NACC2: variants seen among roughly 807,000 people sequenced by gnomAD.
NACC2 encodes the protein nucleus accumbens-associated protein 2.
In NACC2, 8 loss-of-function variants were observed where a neutral mutation model predicts 25.1. That is an observed-to-expected ratio of 0.32 (90% CI 0.19 to 0.57). NACC2 has a LOEUF of 0.57. Among genes scored for constraint, NACC2 ranks in the 20% least tolerant of loss-of-function variants. The pLI, the probability that NACC2 is intolerant of heterozygous loss-of-function variation, is 0.89. For missense variants in NACC2, 644 were observed against 650.2 expected, an observed-to-expected ratio of 0.99 and a Z score of 0.10; for synonymous variants, 435 against 294.7, an observed-to-expected ratio of 1.48 and a Z score of -4.88.
intron 1 of NACC2, among the ~76,000 whole-genome samples, chr9:136,091,571 A>T (rs889731731): frequency 1.3e-5 from 2 of 152,216 alleles, no homozygotes; most frequent in Admixed American, 1.3e-4. Flanking sequence ...ATGTCCCCAA[A>T]TGACAAGCAA....
chr9:136,080,670 G>A (rs528303782), intron 1 of NACC2, among the ~76,000 whole-genome samples: 5 of 152,288 alleles, frequency 3.3e-5, no homozygotes, highest in East Asian at 3.9e-4. Context: ...GACACTCCAC[G>A]GAGCTCTTGC....
chr9:136,021,655 C>T (rs184180533), intron 2 of NACC2, among the ~76,000 whole-genome samples: 4 of 152,264 alleles, frequency 2.6e-5, no homozygotes, highest in African/African-American at 9.6e-5. Flanking sequence ...TGCACAGGAA[C>T]GCTTATCCCG....
chr9:136,088,792 C>T (rs1051669392), intron 1 of NACC2, among the ~76,000 whole-genome samples: 1 of 152,110 alleles, frequency 6.6e-6, no homozygotes, highest in Admixed American at 6.5e-5. Flanking sequence ...GCGTGGAGGG[C>T]GGGATGGGCA....
At chr9:136,072,713 T>C (rs1435094928) in intron 1 of NACC2, among the ~76,000 whole-genome samples, 2 of 151,422 alleles carry the variant, frequency 1.3e-5, no homozygotes, top group African/African-American at 4.9e-5. Flanking sequence ...ATTAGCTGAA[T>C]GTGGTACATG....
At chr9:136,066,225 C>G (rs912964696) in intron 1 of NACC2, among the ~76,000 whole-genome samples, 2 of 149,526 alleles carry the variant, frequency 1.3e-5, no homozygotes, top group South Asian at 2.1e-4. Context: ...AAAAAGAAAC[C>G]AAAGAATAGA....
At chr9:136,091,650 G>C (rs1042856058) in intron 1 of NACC2, among the ~76,000 whole-genome samples, 1 of 152,186 alleles carries the variant, frequency 6.6e-6, no homozygotes, top group Non-Finnish European at 1.5e-5. Context: ...ACAAGGGTGT[G>C]TGCTTCCAAA....
intron 1 of NACC2, among the ~76,000 whole-genome samples, chr9:136,051,763 C>G (rs1588572521): frequency 6.6e-6 from 1 of 152,190 alleles, no homozygotes; most frequent in Non-Finnish European, 1.5e-5. Context: ...GCCGGCACTG[C>G]CCGCTCCGCC....
intron 1 of NACC2, among the ~76,000 whole-genome samples, chr9:136,068,356 G>GAGCGTGGA (rs1841112105): frequency 1.5e-4 from 23 of 149,080 alleles, no homozygotes; most frequent in African/African-American, 5.9e-4. Context: ...AAAATTAGTT[G>GAGCGTGGA]GGCATAGTGG....
intron 1 of NACC2, among the ~76,000 whole-genome samples, chr9:136,071,875 T>G (rs1168207829): frequency 6.6e-6 from 1 of 152,036 alleles, no homozygotes; most frequent in Non-Finnish European, 1.5e-5. Context: ...TTGAAGCCAA[T>G]GGAGCTGGGG....
At chr9:136,027,479 G>C (rs1384389184) in intron 2 of NACC2, among the ~76,000 whole-genome samples, 1 of 152,174 alleles carries the variant, frequency 6.6e-6, no homozygotes, top group Non-Finnish European at 1.5e-5. Context: ...CTCAGGGAAA[G>C]TCTCAACAAA....
At position 136,007,481 on chromosome 9, in the gene NACC2, A is replaced by G. The variant is rs905928528; in HGVS notation, c.*4035T>C. ...CACACAGACGCACACACACAGACGC[A>G]CACACGCACAGACACACACATGCAC... On this transcript the variant is annotated 3_prime_UTR_variant, in exon 6 of 6. Coordinates refer to ENST00000277554, the MANE Select transcript of NACC2 (RefSeq NM_144653.5). 3 of 151,998 alleles carry G rather than the reference A, an allele frequency of 2.0e-5. No homozygotes were observed. The highest frequency in any genetic ancestry group is 7.3e-5 in the African/African-American group (3 of 40,932). The allele number at this position is 151,998 out of a possible 1,614,324, so 9.4% of individuals were successfully genotyped here.
chr9:136,054,138 G>A (rs1326322907), intron 1 of NACC2, among the ~76,000 whole-genome samples: 1 of 152,242 alleles, frequency 6.6e-6, no homozygotes, highest in Non-Finnish European at 1.5e-5. Context: ...GGTGATGCCT[G>A]CAACCTGCTG....
intron 2 of NACC2, among the ~76,000 whole-genome samples, chr9:136,033,050 C>T (rs1271263468): frequency 7.9e-5 from 12 of 152,020 alleles, no homozygotes. Flanking sequence ...GTGGCACACA[C>T]CTGTAATTCC....
At chr9:136,094,810 G>A (rs1050413415) in intron 1 of NACC2, among the ~76,000 whole-genome samples, 30 of 151,856 alleles carry the variant, frequency 2.0e-4, no homozygotes, top group Middle Eastern at 3.2e-3. Context: ...TCGGCCAGTC[G>A]GGTCCCTGGG....
chr9:136,035,424 G>C (rs1037297336), intron 2 of NACC2, among the ~76,000 whole-genome samples: 1 of 151,958 alleles, frequency 6.6e-6, no homozygotes, highest in Non-Finnish European at 1.5e-5. Flanking sequence ...TAAAGAGAGG[G>C]ACATTCTACA....
At chr9:136,075,715 C>A (rs1318686199) in intron 1 of NACC2, among the ~76,000 whole-genome samples, 1 of 152,218 alleles carries the variant, frequency 6.6e-6, no homozygotes, top group African/African-American at 2.4e-5. Flanking sequence ...AGGACACCCC[C>A]GTGCAGACTG....
chr9:136,051,922 AG>A (rs1419567144), intron 1 of NACC2, among the ~76,000 whole-genome samples: 6 of 148,516 alleles, frequency 4.0e-5, no homozygotes, highest in Non-Finnish European at 6.0e-5. Flanking sequence ...ATGGTGGAGG[AG>A]GAGGAGGAGG....
In NACC2 at chr9:136,013,120, C is replaced by T. The variant is rs955215078; in HGVS notation, c.1255+79G>A. On this transcript the variant is annotated intron_variant, in intron 5 of 5. Coordinates refer to ENST00000277554, the MANE Select transcript of NACC2 (RefSeq NM_144653.5). The surrounding 1 kb of genome is among the most constrained non-coding windows in gnomAD (Gnocchi z 6.6). Reference sequence around the variant, plus strand: ...CTGCAGGTGGCCGGGAGCACCCCCGCGGCCCACCCAGTCCTCCTCAGGCTG... The same window carrying T: ...CTGCAGGTGGCCGGGAGCACCCCCGTGGCCCACCCAGTCCTCCTCAGGCTG... The T allele has an allele frequency of 3.2e-5, 41 of 1,294,814 alleles. No homozygotes were observed. Among genetic ancestry groups the T allele is most frequent in the African/African-American group, 5.9e-5 (4 of 67,590 alleles). 80.2% of individuals were successfully genotyped at this position (1,294,814 alleles called of 1,614,324 possible).
rs1324826534 is a variant in NACC2 at position 136,084,757 on chromosome 9, A to T, written c.-60+10432T>A. 6.6e-6 allele frequency among the ~76,000 whole-genome samples: 1 copy of T among 152,220 alleles called. No homozygotes were observed. Among genetic ancestry groups the T allele is most frequent in the Non-Finnish European group, 1.5e-5 (1 of 68,050 alleles). ...CACACACATACATCACGCAGCCTGG[A>T]GAAGGGACGGGCTCCGCCACTCCCT... is the stretch of plus-strand genomic sequence containing the variant. On this transcript the variant is annotated intron_variant, in intron 1 of 5. Transcript: ENST00000277554. This position sits in a 1 kb window ranked among gnomAD's most constrained non-coding sequence, Gnocchi z 5.1.
Sources: gnomAD v4.1 joint callset for allele counts (sites outside exome capture counted in the v4.1 genomes callset) on GRCh38, gnomAD v4.1.1 for gene constraint, Gnocchi (gnomAD v3.1) non-coding constraint, MANE v1.5 for transcripts, NCBI Gene and HGNC (gene_info 2026-07-23, HGNC 2026-07-21) for gene names.